CAPN8: variants seen among roughly 807,000 people sequenced by gnomAD.
The protein encoded by CAPN8 is calpain 8.
A neutral mutation model predicts 80.9 loss-of-function variants in CAPN8; 87 were observed. That is an observed-to-expected ratio of 1.07 (90% CI 0.90 to 1.28). CAPN8 has a LOEUF of 1.28. Ranked by LOEUF, CAPN8 falls within the 50% of genes most tolerant of loss-of-function variation. CAPN8 has a pLI of 0.00. For missense variants in CAPN8, 757 were observed against 702.0 expected, an observed-to-expected ratio of 1.08 and a Z score of -0.89; for synonymous variants, 299 against 273.8, an observed-to-expected ratio of 1.09 and a Z score of -0.91.
chr1:223,622,741 C>T lies in CAPN8; in HGVS notation c.899+74G>A, dbSNP rs1558344579. On this transcript the variant is annotated intron_variant, in intron 7 of 20. Coordinates refer to ENST00000366872, the MANE Select transcript of CAPN8 (RefSeq NM_001143962.2). ...GCTGAACTCACTGTGACATCGATCT[C>T]ATTGTTGTGTGTTTTACACGACACC... The T allele has an allele frequency of 3.5e-6, 4 of 1,138,186 alleles. No homozygotes were observed. In the East Asian group the frequency reaches 1.0e-4, roughly 29 times the overall value. The allele number at this position is 1,138,186 out of a possible 1,614,324, so 70.5% of individuals were successfully genotyped here.
At chr1:223,619,193 C>CA (rs1657299177) in intron 9 of CAPN8, 100 bp downstream of exon 9, 15 of 1,417,618 alleles carry the variant, frequency 1.1e-5, no homozygotes, top group Admixed American at 2.2e-5. Context: ...GGCCCTGTCT[C>CA]AAAAAAACAC....
chr1:223,656,945 A>T (rs1658510597), intron 1 of CAPN8, among the ~76,000 whole-genome samples: 1 of 151,984 alleles, frequency 6.6e-6, no homozygotes, highest in Admixed American at 6.5e-5. Context: ...CGGCCTCCCA[A>T]AGTGCTGGGA....
chr1:223,624,986 A>G (rs974218175), intron 6 of CAPN8, among the ~76,000 whole-genome samples: 10 of 151,916 alleles, frequency 6.6e-5, no homozygotes, highest in Non-Finnish European at 1.3e-4. Context: ...CCAGCTACTC[A>G]GGAGGCTGAG....
intron 2 of CAPN8, among the ~76,000 whole-genome samples, chr1:223,652,887 T>C (rs577113977): frequency 2.0e-5 from 3 of 152,166 alleles, no homozygotes; most frequent in Admixed American, 2.0e-4. Context: ...TCCTTCTCCA[T>C]TGGCAGCACG....
chr1:223,659,995 A>G, intron 1 of CAPN8, among the ~76,000 whole-genome samples: 1 of 152,126 alleles, frequency 6.6e-6, no homozygotes, highest in East Asian at 1.9e-4. Flanking sequence ...ACCTGAACAC[A>G]ACCAGCACGC....
At chr1:223,620,390 C>A in intron 7 of CAPN8, 124 bp from the exon 8 acceptor site, 1 of 792,428 alleles carries the variant, frequency 1.3e-6, no homozygotes, top group Non-Finnish European at 2.1e-6. Context: ...TGCAGGCAGA[C>A]AGAAAGGCAG....
chr1:223,545,745 C>T (rs1656602816), intron 16 of CAPN8, among the ~76,000 whole-genome samples: 1 of 151,674 alleles, frequency 6.6e-6, no homozygotes, highest in Non-Finnish European at 1.5e-5. Context: ...ACAGAATCTG[C>T]TCATAGGCCA....
intron 5 of CAPN8, 49 bp from the exon 6 acceptor site, chr1:223,625,937 G>T: frequency 6.8e-7 from 1 of 1,460,058 alleles, no homozygotes; most frequent in South Asian, 1.2e-5. Flanking sequence ...ACCTCTCAGG[G>T]GCCGGCCGTA....
At chr1:223,550,562 A>G (rs563762562) in intron 15 of CAPN8, among the ~76,000 whole-genome samples, 1 of 152,288 alleles carries the variant, frequency 6.6e-6, no homozygotes, top group Admixed American at 6.5e-5. Flanking sequence ...TCCTTCCCTC[A>G]AGATGAGCTA....
chr1:223,550,970 C>T lies in CAPN8; in HGVS notation c.1689G>A (p.Ala563=), dbSNP rs75802707. 33 of 718,228 alleles carry T rather than the reference C, an allele frequency of 4.6e-5. No homozygotes were observed. Among genetic ancestry groups the T allele is most frequent in the South Asian group, 1.3e-4 (9 of 67,572 alleles). 44.5% of individuals were successfully genotyped at this position (718,228 alleles called of 1,614,324 possible). The change falls in exon 15 of 21, where the codon GCG becomes GCA. Residue 563 remains alanine, a synonymous_variant. Transcript: ENST00000366872. ...ANALKILLNE[A]FSKRTDIKFD... ...CAAGAAGGAACTTACTCTTGGAAAA[C>T]GCCTCATTCAAAAGTATCTTGAGTG...
At chr1:223,654,427 G>A (rs1658424585) in intron 1 of CAPN8, 28 bp from the exon 2 acceptor site, 1 of 1,547,632 alleles carries the variant, frequency 6.5e-7, no homozygotes, top group African/African-American at 1.4e-5. Flanking sequence ...CAAAACACAA[G>A]TCACAAGGTG....
At chr1:223,627,447 G>C (rs997525914) in intron 4 of CAPN8, among the ~76,000 whole-genome samples, 1 of 152,228 alleles carries the variant, frequency 6.6e-6, no homozygotes, top group Non-Finnish European at 1.5e-5. Context: ...CTGGGGGCTG[G>C]GGGCACAGAT....
chr1:223,658,497 G>A (rs1658556168), intron 1 of CAPN8, among the ~76,000 whole-genome samples: 1 of 152,150 alleles, frequency 6.6e-6, no homozygotes, highest in African/African-American at 2.4e-5. Flanking sequence ...ATCTTTCAGG[G>A]ACCACAGAAA....
chr1:223,625,530 C>G (rs1330149342), intron 6 of CAPN8, among the ~76,000 whole-genome samples: 1 of 152,118 alleles, frequency 6.6e-6, no homozygotes, highest in Non-Finnish European at 1.5e-5. Flanking sequence ...CTCCTGGCCT[C>G]AAGTAATCTT....
At chr1:223,663,405 C>T (rs910744900) in intron 1 of CAPN8, among the ~76,000 whole-genome samples, 9 of 152,184 alleles carry the variant, frequency 5.9e-5, no homozygotes, top group African/African-American at 2.2e-4. Flanking sequence ...CTTTTCACCA[C>T]CCAGTTGTGA....
At chr1:223,558,826 C>T (rs987535784) in intron 12 of CAPN8, among the ~76,000 whole-genome samples, 20 of 145,670 alleles carry the variant, frequency 1.4e-4, no homozygotes, top group East Asian at 8.5e-4. Context: ...ATGTGTGCTG[C>T]ATGTGTGGTA....
At chr1:223,632,500 A>G (rs2102718464) in intron 2 of CAPN8, among the ~76,000 whole-genome samples, 1 of 152,122 alleles carries the variant, frequency 6.6e-6, no homozygotes, top group Non-Finnish European at 1.5e-5. Flanking sequence ...AGCCTCCCAA[A>G]TTGCTGGGAC....
chr1:223,634,890 C>T (rs1657873068), intron 2 of CAPN8, among the ~76,000 whole-genome samples: 1 of 152,182 alleles, frequency 6.6e-6, no homozygotes, highest in African/African-American at 2.4e-5. Context: ...TAGCACCACT[C>T]AAATAGAGTA....
At chr1:223,656,284 C>T (rs1658486446) in intron 1 of CAPN8, among the ~76,000 whole-genome samples, 1 of 151,970 alleles carries the variant, frequency 6.6e-6, no homozygotes, top group Admixed American at 6.6e-5. Flanking sequence ...TCCTAGCTAA[C>T]ATGGTGAAAC....
Sources: allele counts gnomAD v4.1 joint callset (sites outside exome capture counted in the v4.1 genomes callset), GRCh38; gene constraint gnomAD v4.1.1; transcripts MANE v1.5; gene names NCBI Gene and HGNC (gene_info 2026-07-23, HGNC 2026-07-21).